DDX39B: variants seen among roughly 807,000 people sequenced by gnomAD.
The protein encoded by DDX39B is DExD-box helicase 39B, also known as spliceosome RNA helicase DDX39B.
A neutral mutation model predicts 46.4 loss-of-function variants in DDX39B; 6 were observed. The ratio of observed to expected loss-of-function variants is 0.13; its 90% CI spans 0.07 to 0.26. The LOEUF (loss-of-function observed/expected upper bound fraction) is 0.26, where lower values mean the gene tolerates loss of function less well. DDX39B is among the 10% of genes least tolerant of loss of function. The pLI is 1.00. For missense variants in DDX39B, 185 were observed against 553.4 expected, an observed-to-expected ratio of 0.33 and a Z score of 6.68; for synonymous variants, 174 against 199.4, an observed-to-expected ratio of 0.87 and a Z score of 1.07.
At position 31,530,261 on chromosome 6, in the gene DDX39B, TAA is replaced by T. The variant is rs3219189; in HGVS notation, c.*171_*172del. 5.7e-6 allele frequency: 5 copies of T among 883,624 alleles called. No individual in the cohort carries two copies. Among genetic ancestry groups the T allele is most frequent in the Non-Finnish European group, 8.5e-6 (5 of 590,928 alleles). The allele number at this position is 883,624 out of a possible 1,614,324, so 54.7% of individuals were successfully genotyped here. A position where few individuals can be genotyped will look rare whatever the true frequency, so the allele number is the denominator to read the frequency against. ...ACATGTGTTTCATTTTTAGTTTTGTTAAAAAAAAATTCTGACAAATCAGAAAT... is the reference window on the plus strand; with the variant it reads ...ACATGTGTTTCATTTTTAGTTTTGTTAAAAAAATTCTGACAAATCAGAAAT... On this transcript the variant is annotated 3_prime_UTR_variant, in exon 11 of 11. Coordinates refer to ENST00000396172, the MANE Select transcript of DDX39B (RefSeq NM_004640.7). This position sits in a 1 kb window ranked among gnomAD's most constrained non-coding sequence, Gnocchi z 4.5.
At chr6:31,541,128 G>A in intron 1 of DDX39B, 2 of 533,654 alleles carry the variant, frequency 3.7e-6, no homozygotes, top group Non-Finnish European at 3.8e-6. Context: ...GATAGATGAG[G>A]GTCATCACTG....
intron 5 of DDX39B, 61 bp downstream of exon 5, chr6:31,536,436 AAAC>A: frequency 1.2e-6 from 2 of 1,607,472 alleles, no homozygotes; most frequent in Non-Finnish European, 1.7e-6. Context: ...TGTTTCAAAT[AAAC>A]ATCATTTGGC....
Position 31,534,585 on chromosome 6 carries a change from T to C in DDX39B, c.735+782A>G, listed in dbSNP as rs574696762. The C allele has an allele frequency of 1.1e-5, 5 of 444,620 alleles. No homozygotes were observed. Among genetic ancestry groups the C allele is most frequent in the African/African-American group, 4.2e-5 (2 of 47,962 alleles). 27.5% of individuals were successfully genotyped at this position (444,620 alleles called of 1,614,324 possible). A position where few individuals can be genotyped will look rare whatever the true frequency, so the allele number is the denominator to read the frequency against. ...ATTCAGGACACCCCTCCCCAACACATATTGGGGGAAACGGGGCACGGCACG... is the reference window on the plus strand; with the variant it reads ...ATTCAGGACACCCCTCCCCAACACACATTGGGGGAAACGGGGCACGGCACG... On this transcript the variant is annotated intron_variant, in intron 6 of 10. Transcript: ENST00000396172. This position sits in a 1 kb window ranked among gnomAD's most constrained non-coding sequence, Gnocchi z 5.1.
chr6:31,541,351 G>T (rs139198642), intron 1 of DDX39B: 2 of 380,518 alleles, frequency 5.3e-6, no homozygotes, highest in African/African-American at 4.2e-5. Context: ...GCTAATAGGT[G>T]ACAGAGAAAG....
At chr6:31,537,899 A>G (rs903514965) in intron 4 of DDX39B, among the ~76,000 whole-genome samples, 1 of 152,050 alleles carries the variant, frequency 6.6e-6, no homozygotes. Flanking sequence ...TTAGCCAGGC[A>G]TGATGGCACA....
chr6:31,530,998 CAA>C lies in DDX39B; in HGVS notation c.1122+53_1122+54del. On this transcript the variant is annotated intron_variant, in intron 9 of 10. Coordinates refer to ENST00000396172, the MANE Select transcript of DDX39B (RefSeq NM_004640.7). The surrounding 1 kb of genome is among the most constrained non-coding windows in gnomAD (Gnocchi z 4.5). ...ACCCAGAGGCAGGAATGAAGATGTA[CAA>C]ACAGAAAACAAGGGAATGGGAGAGT... 2 of 1,613,388 alleles carry C rather than the reference CAA, an allele frequency of 1.2e-6. No homozygotes were observed. The highest frequency in any genetic ancestry group is 1.7e-6 in the Non-Finnish European group (2 of 1,179,430).
chr6:31,539,221 C>T lies in DDX39B; in HGVS notation c.265G>A (p.Ala89Thr), dbSNP rs1413964269. Reference protein sequence around the residue: ...AILGMDVLCQAKSGMGKTAVF... With the variant: ...AILGMDVLCQTKSGMGKTAVF... ...GCTGTCTTTCCCATGCCCGACTTGG[C>T]CTGGCACAGGACATCCATTCCCAGA... Residue 89 changes from alanine to threonine, a missense_variant, in exon 3 of 11, where the codon GCC becomes ACC. By Grantham distance (58) the Ala-to-Thr change is moderately conservative. Around this residue, in one of 5 missense-constraint regions of DDX39B, gnomAD observed 18 missense variants for 120.1 expected, o/e 0.15. Coordinates refer to ENST00000396172, the MANE Select transcript of DDX39B (RefSeq NM_004640.7). The T allele has an allele frequency of 6.2e-7, 1 of 1,613,318 alleles. No homozygotes were observed. The highest frequency in any genetic ancestry group is 8.5e-7 in the Non-Finnish European group (1 of 1,180,036).
chr6:31,534,433 T>C lies in DDX39B; in HGVS notation c.735+934A>G, dbSNP rs1767541439. ...AGAACACACTCCACTGCTTATGCAA[T>C]TGGCCCCACCTAGCCCCAAACCCTA... On this transcript the variant is annotated intron_variant, in intron 6 of 10. Coordinates refer to ENST00000396172, the MANE Select transcript of DDX39B (RefSeq NM_004640.7). The surrounding 1 kb of genome is among the most constrained non-coding windows in gnomAD (Gnocchi z 5.1). The C allele has an allele frequency of 8.5e-6, 4 of 468,718 alleles. No homozygotes were observed. Among genetic ancestry groups the C allele is most frequent in the Non-Finnish European group, 1.3e-5 (3 of 226,254 alleles). The allele number at this position is 468,718 out of a possible 1,614,324, so 29.0% of individuals were successfully genotyped here. A position where few individuals can be genotyped will look rare whatever the true frequency, so the allele number is the denominator to read the frequency against.
At chr6:31,537,104 T>G (rs1156966558) in intron 4 of DDX39B, among the ~76,000 whole-genome samples, 2 of 151,396 alleles carry the variant, frequency 1.3e-5, no homozygotes, top group African/African-American at 2.4e-5. Context: ...AGAGTGATAC[T>G]CCATCTCAAA....
At position 31,530,440 on chromosome 6, in the gene DDX39B, T is replaced by C; in HGVS notation, c.1281A>G (p.Thr427=). 1 of 1,612,446 alleles carries C rather than the reference T, an allele frequency of 6.2e-7. No individual in the cohort carries two copies. The highest frequency in any genetic ancestry group is 1.3e-5 in the African/African-American group (1 of 74,806). Reference sequence around the variant, plus strand: ...TCCAAAATGGGCGAGTCTTCTACCGTGTCTGTTCAACTGAGAAGAAAACGT... The same window carrying C: ...TCCAAAATGGGCGAGTCTTCTACCGCGTCTGTTCAACTGAGAAGAAAACGT... The part of the protein sequence containing the change: ...EIDISSYIEQ[T]R Residue 427 remains threonine (T), a synonymous_variant, in exon 11 of 11, where the codon ACA becomes ACG. Coordinates refer to ENST00000396172, the MANE Select transcript of DDX39B (RefSeq NM_004640.7). This position sits in a 1 kb window ranked among gnomAD's most constrained non-coding sequence, Gnocchi z 4.5.
chr6:31,531,623 C>A lies in DDX39B; in HGVS notation c.868-218G>T. 1 of 554,698 alleles carries A rather than the reference C, an allele frequency of 1.8e-6. No homozygotes were observed. The highest frequency in any genetic ancestry group is 3.2e-6 in the Non-Finnish European group (1 of 314,842). 34.4% of individuals were successfully genotyped at this position (554,698 alleles called of 1,614,324 possible). A position where few individuals can be genotyped will look rare whatever the true frequency, so the allele number is the denominator to read the frequency against. On this transcript the variant is annotated intron_variant, in intron 7 of 10. Transcript: ENST00000396172. This position sits in a 1 kb window ranked among gnomAD's most constrained non-coding sequence, Gnocchi z 5.8. ...AAGGAAGCTGGCCTCTGAGGTAGCA[C>A]AGAGTTCAGAAATCAAAATTGCCAG...
At position 31,531,449 on chromosome 6, in the gene DDX39B, G is replaced by A. The variant is rs1232803995; in HGVS notation, c.868-44C>T. 3 of 1,565,100 alleles carry A rather than the reference G, an allele frequency of 1.9e-6. No individual in the cohort carries two copies. Among genetic ancestry groups the A allele is most frequent in the Non-Finnish European group, 2.6e-6 (3 of 1,136,234 alleles). Reference sequence around the variant, plus strand: ...GGGGGTCGCAAATTGGGGGAATAGGGGTCCATGGTGTGTGAGAGACATTAC... The same window carrying A: ...GGGGGTCGCAAATTGGGGGAATAGGAGTCCATGGTGTGTGAGAGACATTAC... On this transcript the variant is annotated intron_variant, in intron 7 of 10. Transcript: ENST00000396172. This position sits in a 1 kb window ranked among gnomAD's most constrained non-coding sequence, Gnocchi z 5.8.
intron 1 of DDX39B, chr6:31,541,648 GC>G (rs759391673): frequency 1.0e-5 from 5 of 486,200 alleles, no homozygotes; most frequent in African/African-American, 9.9e-5. Context: ...ACCAAGGGAC[GC>G]CGAGCGCCGC....
At position 31,535,054 on chromosome 6, in the gene DDX39B, T is replaced by A; in HGVS notation, c.735+313A>T. 2.3e-6 allele frequency: 1 copy of A among 431,326 alleles called. No homozygotes were observed. The highest frequency in any genetic ancestry group is 3.5e-5 in the Admixed American group (1 of 28,472). 26.7% of individuals were successfully genotyped at this position (431,326 alleles called of 1,614,324 possible). A position where few individuals can be genotyped will look rare whatever the true frequency, so the allele number is the denominator to read the frequency against. On this transcript the variant is annotated intron_variant, in intron 6 of 10. Transcript: ENST00000396172. This position sits in a 1 kb window ranked among gnomAD's most constrained non-coding sequence, Gnocchi z 4.6. Reference sequence around the variant, plus strand: ...ATGTAAGAGACGATGGATGGGTGGGTGGTAGGGCAGAAAAATCCTGCCCTC... The same window carrying A: ...ATGTAAGAGACGATGGATGGGTGGGAGGTAGGGCAGAAAAATCCTGCCCTC...
At chr6:31,532,576 T>G in intron 7 of DDX39B, 1 of 564,808 alleles carries the variant, frequency 1.8e-6, no homozygotes, top group Non-Finnish European at 3.0e-6. Flanking sequence ...TTCCTTGAGG[T>G]TATTGAGGAC....
intron 1 of DDX39B, chr6:31,541,615 C>T (rs923265876): frequency 4.2e-6 from 2 of 476,802 alleles, no homozygotes; most frequent in Middle Eastern, 3.2e-4. Flanking sequence ...GTGAGAAGAG[C>T]CCCGCCCTCC....
chr6:31,530,755 G>T lies in DDX39B; in HGVS notation c.1270+24C>A, dbSNP rs758532644. 1 of 1,607,476 alleles carries T rather than the reference G, an allele frequency of 6.2e-7. No homozygotes were observed. Among genetic ancestry groups the T allele is most frequent in the South Asian group, 1.1e-5 (1 of 91,014 alleles). On this transcript the variant is annotated intron_variant, in intron 10 of 10. Coordinates refer to ENST00000396172, the MANE Select transcript of DDX39B (RefSeq NM_004640.7). This position sits in a 1 kb window ranked among gnomAD's most constrained non-coding sequence, Gnocchi z 4.5. ...CACTAAGGAACAGGGAGGACCTAAA[G>T]GGTTTCATGAGATCAGTACTCACTG...
At chr6:31,539,521 C>T (rs1054019951) in intron 2 of DDX39B, among the ~76,000 whole-genome samples, 21 of 152,190 alleles carry the variant, frequency 1.4e-4, no homozygotes, top group Admixed American at 9.2e-4. Context: ...TAGTAACAAA[C>T]CCCTTGCATC....
chr6:31,539,258 G>A lies in DDX39B; in HGVS notation c.228C>T (p.Ile76=). The part of the protein sequence containing the change: ...EHPSEVQHEC[I]PQAILGMDVL... ...CATCCATTCCCAGAATGGCCTGAGGGATGCACTCATGCTGGACTAAAAGTT... is the reference window on the plus strand; with the variant it reads ...CATCCATTCCCAGAATGGCCTGAGGAATGCACTCATGCTGGACTAAAAGTT... The change falls in exon 3 of 11, where the codon ATC becomes ATT. Residue 76 remains isoleucine, a synonymous_variant. Transcript: ENST00000396172. 2 of 1,612,998 alleles carry A rather than the reference G, an allele frequency of 1.2e-6. No individual in the cohort carries two copies. The highest frequency in any genetic ancestry group is 1.7e-6 in the Non-Finnish European group (2 of 1,179,866).
Sources: gnomAD v4.1 joint callset for allele counts (sites outside exome capture counted in the v4.1 genomes callset) on GRCh38, gnomAD v4.1.1 for gene constraint, gnomAD v4.1.1 regional missense constraint, Gnocchi (gnomAD v3.1) non-coding constraint, MANE v1.5 for transcripts, NCBI Gene and HGNC (gene_info 2026-07-23, HGNC 2026-07-21) for gene names.